Variants in DCDC1 observed in about 807,000 individuals in gnomAD.
DCDC1 encodes the protein doublecortin domain-containing protein 1.
DCDC1 carries 200 observed loss-of-function variants against 178.3 expected under a neutral mutation model. The ratio of observed to expected loss-of-function variants is 1.12; its 90% CI spans 1.00 to 1.26. The LOEUF is 1.26. Among genes scored for constraint, DCDC1 ranks in the 50% most tolerant of loss-of-function variants. DCDC1 has a pLI of 0.00. For synonymous variants in DCDC1, 690 were observed against 604.8 expected (o/e 1.14, Z -2.07); for missense variants, 1,983 against 1,749.2 (o/e 1.13, Z -2.38).
intron 20 of DCDC1, among the ~76,000 whole-genome samples, chr11:30,988,260 A>T (rs1184915239): frequency 1.3e-5 from 2 of 152,206 alleles, no homozygotes; most frequent in Non-Finnish European, 2.9e-5. Context: ...GCCTGAGAGT[A>T]CAGTTTAGTG....
intron 9 of DCDC1, among the ~76,000 whole-genome samples, chr11:31,157,473 ATGTG>A (rs1247150723): frequency 7.8e-5 from 9 of 115,788 alleles, no homozygotes; most frequent in African/African-American, 2.7e-4. Context: ...ATATATATAT[ATGTG>A]TGTGTGTGTG....
chr11:31,216,691 A>AC (rs927389211), intron 9 of DCDC1, among the ~76,000 whole-genome samples: 9 of 152,184 alleles, frequency 5.9e-5, no homozygotes, highest in Non-Finnish European at 5.9e-5. Context: ...CCCAATGCTT[A>AC]CCTCATAGAT....
At chr11:30,957,621 G>C (rs1216685423) in intron 20 of DCDC1, among the ~76,000 whole-genome samples, 1 of 152,160 alleles carries the variant, frequency 6.6e-6, no homozygotes, top group Admixed American at 6.5e-5. Context: ...TGTTGAGCAA[G>C]ATCATCCTCT....
intron 3 of DCDC1, among the ~76,000 whole-genome samples, chr11:31,313,984 A>G (rs1364701909): frequency 3.3e-5 from 5 of 152,120 alleles, no homozygotes; most frequent in Non-Finnish European, 7.4e-5. Flanking sequence ...CAAATTTTTC[A>G]TTACATCTGT....
At chr11:31,056,056 G>C (rs552914788) in intron 20 of DCDC1, among the ~76,000 whole-genome samples, 1 of 152,140 alleles carries the variant, frequency 6.6e-6, no homozygotes, top group Non-Finnish European at 1.5e-5. Flanking sequence ...AGCATTTAGA[G>C]AGAAAGTGCA....
Position 31,127,550 on chromosome 11 carries a change from C to T in DCDC1, c.1404G>A (p.Gln468=), listed in dbSNP as rs1961819280. 1.4e-6 allele frequency: 1 copy of T among 702,618 alleles called. No individual in the cohort carries two copies. Among genetic ancestry groups the T allele is most frequent in the Non-Finnish European group, 2.6e-6 (1 of 384,826 alleles). 43.5% of individuals were successfully genotyped at this position (702,618 alleles called of 1,614,324 possible). The change falls in exon 11 of 39, where the codon CAG becomes CAA. Residue 468 remains glutamine (Q), a synonymous_variant. Coordinates refer to ENST00000684477, the MANE Select transcript of DCDC1 (RefSeq NM_001387274.1). ...CKLGPQLQAE[Q]EQFSSYVYQH... The stretch of plus-strand genomic sequence containing the variant: ...GGTAGACATAAGAGGAGAATTGCTC[C>T]TGCTCAGCCTGTAATTGGGGGCCAA...
In DCDC1 at chr11:31,241,482, G is replaced by A. The variant is rs535702939; in HGVS notation, c.1189C>T (p.Arg397Ter). ...IQGVLLALYQ[R>*]LKSAKKYYKQ... ...TAATATTTTTTTGCAGACTTTAATC[G>A]TTGGTACAGGGCCAAAAGAACTCCT... Residue 397 changes from arginine (R) to a stop codon, truncating the protein, a stop_gained, in exon 9 of 39, where the codon CGA becomes TGA. Coordinates refer to ENST00000684477, the MANE Select transcript of DCDC1 (RefSeq NM_001387274.1). LOFTEE classifies it high-confidence loss of function. 32 of 397,256 alleles carry A rather than the reference G, an allele frequency of 8.1e-5. No homozygotes were observed. The South Asian group carries it at 1.4e-3, about 17-fold the overall frequency. The allele number at this position is 397,256 out of a possible 1,614,324, so 24.6% of individuals were successfully genotyped here. A position where few individuals can be genotyped will look rare whatever the true frequency, so the allele number is the denominator to read the frequency against.
chr11:31,261,733 CTG>C (rs1412715973), intron 8 of DCDC1, among the ~76,000 whole-genome samples: 1 of 152,094 alleles, frequency 6.6e-6, no homozygotes, highest in Non-Finnish European at 1.5e-5. Context: ...CAAGGAATAA[CTG>C]TATATGTACC....
intron 9 of DCDC1, among the ~76,000 whole-genome samples, chr11:31,210,719 A>G (rs1972423704): frequency 6.6e-6 from 1 of 151,882 alleles, no homozygotes; most frequent in African/African-American, 2.4e-5. Flanking sequence ...TCAAAAAAAA[A>G]AAAAAAAGAA....
At chr11:31,155,013 T>C (rs1057014116) in intron 9 of DCDC1, among the ~76,000 whole-genome samples, 2 of 152,228 alleles carry the variant, frequency 1.3e-5, no homozygotes, top group Non-Finnish European at 1.5e-5. Flanking sequence ...AACTAATATA[T>C]AACCTCAGAA....
intron 1 of DCDC1, among the ~76,000 whole-genome samples, chr11:31,345,152 T>A (rs886201319): frequency 2.0e-5 from 3 of 151,836 alleles, no homozygotes; most frequent in Non-Finnish European, 2.9e-5. Flanking sequence ...AGGCCATTTT[T>A]TAAAAAAAAC....
At chr11:31,085,147 TTTC>T (rs1442942866) in intron 17 of DCDC1, among the ~76,000 whole-genome samples, 1 of 151,556 alleles carries the variant, frequency 6.6e-6, no homozygotes, top group Non-Finnish European at 1.5e-5. Context: ...ATTTTTATTT[TTTC>T]TTAATTGTTT....
intron 12 of DCDC1, among the ~76,000 whole-genome samples, chr11:31,109,147 C>A (rs1348945911): frequency 1.4e-5 from 2 of 146,382 alleles, no homozygotes; most frequent in Non-Finnish European, 3.0e-5. Flanking sequence ...GAGACAGGGT[C>A]TCACTCTGTC....
chr11:30,938,944 AC>A (rs35202771), intron 21 of DCDC1, among the ~76,000 whole-genome samples: 112,750 of 151,674 alleles, frequency 0.74, 43,301 homozygotes, highest in African/African-American at 0.93. Context: ...TGTGTACTCA[AC>A]CCCCCTTATT....
At chr11:31,369,024 CGAA>C (rs1175545921) in intron 1 of DCDC1, among the ~76,000 whole-genome samples, 3 of 152,088 alleles carry the variant, frequency 2.0e-5, no homozygotes, top group East Asian at 3.9e-4. Flanking sequence ...CTAACTGCTT[CGAA>C]GAAGAACAGT....
At chr11:31,362,901 T>G (rs953940633) in intron 1 of DCDC1, among the ~76,000 whole-genome samples, 2 of 152,132 alleles carry the variant, frequency 1.3e-5, no homozygotes, top group African/African-American at 2.4e-5. Context: ...AACTGAAAGG[T>G]TGCAAGAAGC....
At chr11:31,041,556 G>C (rs1954449538) in intron 20 of DCDC1, among the ~76,000 whole-genome samples, 1 of 152,088 alleles carries the variant, frequency 6.6e-6, no homozygotes, top group Non-Finnish European at 1.5e-5. Context: ...ATAGGCCAAG[G>C]TCATACAGCT....
At chr11:31,233,912 A>G (rs2136811163) in intron 9 of DCDC1, among the ~76,000 whole-genome samples, 1 of 152,338 alleles carries the variant, frequency 6.6e-6, no homozygotes, top group South Asian at 2.1e-4. Context: ...AAATGTGGCT[A>G]GTGAGACTGA....
In DCDC1 at chr11:30,931,778, T is replaced by G. The variant is rs142620862; in HGVS notation, c.2890A>C (p.Lys964Gln). The part of the protein sequence containing the change: ...ILGPDISPGR[K>Q]TQCTEILNLP... Reference sequence around the variant, plus strand: ...TGAACAAGTTGTTCTTACTGCGTTTTCCGTCCAGGTGAGATATCTGGACCA... The same window carrying G: ...TGAACAAGTTGTTCTTACTGCGTTTGCCGTCCAGGTGAGATATCTGGACCA... Residue 964 changes from lysine to glutamine, a missense_variant, in exon 22 of 39, where the codon AAA becomes CAA. Lys to Gln is a moderately conservative substitution (Grantham distance 53). Coordinates refer to ENST00000684477, the MANE Select transcript of DCDC1 (RefSeq NM_001387274.1). 9.6e-5 allele frequency: 155 copies of G among 1,608,800 alleles called. No homozygotes were observed. The African/African-American group carries it at 1.9e-3, about 20-fold the overall frequency.
Sources: allele counts gnomAD v4.1 joint callset (sites outside exome capture counted in the v4.1 genomes callset), GRCh38; gene constraint gnomAD v4.1.1; transcripts MANE v1.5; gene names NCBI Gene and HGNC (gene_info 2026-07-23, HGNC 2026-07-21).